ARID2: variants seen among roughly 807,000 people sequenced by gnomAD.
The protein encoded by ARID2 is AT-rich interactive domain-containing protein 2.
In ARID2, 32 loss-of-function variants were observed where a neutral mutation model predicts 184.6. The observed-to-expected ratio is 0.17, with a 90% CI of 0.13 to 0.23. The LOEUF is 0.23. ARID2 is among the 10% of genes least tolerant of loss of function. ARID2 has a pLI of 1.00. For missense variants in ARID2, 1,696 were observed against 2,197.6 expected (o/e 0.77, Z 4.56); for synonymous variants, 836 against 772.6 (o/e 1.08, Z -1.36).
intron 3 of ARID2, among the ~76,000 whole-genome samples, chr12:45,782,642 T>G (rs1288909394): frequency 6.6e-6 from 1 of 151,510 alleles, no homozygotes; most frequent in African/African-American, 2.4e-5. Context: ...AAAAAAATTT[T>G]TTTGAATCAA....
intron 3 of ARID2, among the ~76,000 whole-genome samples, chr12:45,788,381 TAAATGGCA>T (rs1942234520): frequency 6.6e-6 from 1 of 152,182 alleles, no homozygotes; most frequent in Middle Eastern, 3.2e-3. Context: ...ATGTAGCTGA[TAAATGGCA>T]GCATTGGGAT....
At chr12:45,878,465 C>G (rs370565987) in intron 16 of ARID2, among the ~76,000 whole-genome samples, 1 of 152,072 alleles carries the variant, frequency 6.6e-6, no homozygotes, top group Admixed American at 6.6e-5. Context: ...GTTGACATAT[C>G]TTACTTACAT....
chr12:45,752,187 G>A (rs1423800702), intron 3 of ARID2, among the ~76,000 whole-genome samples: 3 of 152,228 alleles, frequency 2.0e-5, no homozygotes, highest in African/African-American at 7.2e-5. Flanking sequence ...TAATATCCTA[G>A]CATATGCAGA....
In ARID2 at chr12:45,906,638, A is replaced by T; in HGVS notation, c.*1560A>T. On this transcript the variant is annotated 3_prime_UTR_variant, in exon 21 of 21. Transcript: ENST00000334344. ...GGCAAGGTATAACGGTCACCTACCT[A>T]TTTGATTATATGTTGATTGATAACA... 4.3e-6 allele frequency: 1 copy of T among 232,240 alleles called. No homozygotes were observed. Among genetic ancestry groups the T allele is most frequent in the Non-Finnish European group, 8.5e-6 (1 of 117,482 alleles). The allele number at this position is 232,240 out of a possible 1,614,324, so 14.4% of individuals were successfully genotyped here.
intron 6 of ARID2, among the ~76,000 whole-genome samples, chr12:45,823,131 C>T (rs1477737692): frequency 6.6e-6 from 1 of 151,796 alleles, no homozygotes; most frequent in Non-Finnish European, 1.5e-5. Flanking sequence ...TCTTATATCG[C>T]AATGGAATAA....
chr12:45,829,765 G>T (rs1592103003), intron 6 of ARID2, among the ~76,000 whole-genome samples: 2 of 130,614 alleles, frequency 1.5e-5, no homozygotes, highest in South Asian at 2.4e-4. Context: ...TCATTCTATT[G>T]TTTTCTGCCT....
chr12:45,843,648 T>G (rs1943392064), intron 11 of ARID2, among the ~76,000 whole-genome samples: 1 of 152,184 alleles, frequency 6.6e-6, no homozygotes. Flanking sequence ...AGGGACTGTA[T>G]TTTTAGGATT....
intron 3 of ARID2, among the ~76,000 whole-genome samples, chr12:45,805,880 G>A (rs1158545650): frequency 1.3e-5 from 2 of 152,122 alleles, no homozygotes; most frequent in Non-Finnish European, 2.9e-5. Context: ...GTAGCTGAAT[G>A]TTTGTACCCA....
chr12:45,828,719 A>G (rs1943051374), intron 6 of ARID2, among the ~76,000 whole-genome samples: 1 of 152,016 alleles, frequency 6.6e-6, no homozygotes, highest in Non-Finnish European at 1.5e-5. Flanking sequence ...GTTTGATGAG[A>G]ACTAGAATAC....
At chr12:45,787,886 C>A (rs978062206) in intron 3 of ARID2, among the ~76,000 whole-genome samples, 5 of 152,120 alleles carry the variant, frequency 3.3e-5, no homozygotes, top group African/African-American at 1.2e-4. Flanking sequence ...TGTTTTCCTA[C>A]CCTGCCTATT....
chr12:45,812,211 A>C (rs1248505729), intron 4 of ARID2, among the ~76,000 whole-genome samples: 1 of 151,834 alleles, frequency 6.6e-6, no homozygotes, highest in East Asian at 1.9e-4. Context: ...TGGCCTAAAA[A>C]AAAAAAGAGA....
chr12:45,757,674 TAGGGTGCCTTGAGAGGAGTCGTTTAAAA>T (rs1483196988), intron 3 of ARID2, among the ~76,000 whole-genome samples: 2 of 152,204 alleles, frequency 1.3e-5, no homozygotes, highest in Admixed American at 1.3e-4. Flanking sequence ...TAGGGCATAG[TAGGGTGCCTTGAGAGGAGTCGTTTAAAA>T]AAGTCTGAAG....
rs1491313254 is a variant in ARID2, at chr12:45,907,164, CAT to C, written c.*2087_*2088del. Reference sequence around the variant, plus strand: ...ACTGCCCAACAGACACCGCTGAAATCATGTGGGTATCCCTAGGATGGCCTTCA... The same window carrying C: ...ACTGCCCAACAGACACCGCTGAAATCGTGGGTATCCCTAGGATGGCCTTCA... On this transcript the variant is annotated 3_prime_UTR_variant, in exon 21 of 21. Transcript: ENST00000334344. 1 of 232,708 alleles carries C rather than the reference CAT, an allele frequency of 4.3e-6. No individual in the cohort carries two copies. Among genetic ancestry groups the C allele is most frequent in the Non-Finnish European group, 8.5e-6 (1 of 117,802 alleles). 14.4% of individuals were successfully genotyped at this position (232,708 alleles called of 1,614,324 possible). A position where few individuals can be genotyped will look rare whatever the true frequency, so the allele number is the denominator to read the frequency against.
At chr12:45,822,777 A>G (rs1942922929) in intron 6 of ARID2, among the ~76,000 whole-genome samples, 3 of 152,184 alleles carry the variant, frequency 2.0e-5, no homozygotes, top group African/African-American at 4.8e-5. Context: ...CAGCAAAAGG[A>G]TGTATGTAAC....
intron 3 of ARID2, among the ~76,000 whole-genome samples, chr12:45,752,584 T>C (rs1176255894): frequency 6.6e-6 from 1 of 152,150 alleles, no homozygotes; most frequent in Non-Finnish European, 1.5e-5. Flanking sequence ...TGTAATGGTA[T>C]AATCATAGCT....
intron 3 of ARID2, among the ~76,000 whole-genome samples, chr12:45,761,430 T>C (rs900353746): frequency 1.3e-5 from 2 of 152,188 alleles, no homozygotes; most frequent in African/African-American, 4.8e-5. Flanking sequence ...CATTGAGGCA[T>C]TGTCTGCCTA....
intron 4 of ARID2, among the ~76,000 whole-genome samples, chr12:45,815,276 A>G (rs995746467): frequency 2.0e-5 from 3 of 152,178 alleles, no homozygotes; most frequent in East Asian, 1.9e-4. Context: ...ATCTGCTCCT[A>G]TATTCATAGA....
At chr12:45,842,315 G>A (rs1219433068) in intron 11 of ARID2, 19 of 141,632 alleles carry the variant, frequency 1.3e-4, no homozygotes, top group Non-Finnish European at 2.6e-4. Context: ...ATACACACAT[G>A]TATATGTATA....
chr12:45,780,912 G>C (rs1674989953), intron 3 of ARID2, among the ~76,000 whole-genome samples: 1 of 152,062 alleles, frequency 6.6e-6, no homozygotes, highest in African/African-American at 2.4e-5. Flanking sequence ...GAGCCACTGC[G>C]CCCGGCTGAA....
Sources: allele counts gnomAD v4.1 joint callset (sites outside exome capture counted in the v4.1 genomes callset), GRCh38; gene constraint gnomAD v4.1.1; transcripts MANE v1.5; gene names NCBI Gene and HGNC (gene_info 2026-07-23, HGNC 2026-07-21).